NUP50: variants seen among roughly 807,000 people sequenced by gnomAD.
NUP50 encodes the protein nuclear pore complex protein Nup50.
NUP50 carries 14 observed loss-of-function variants against 36.8 expected under a neutral mutation model. The observed-to-expected ratio is 0.38, with a 90% CI of 0.25 to 0.59. The LOEUF is 0.59. Among genes scored for constraint, NUP50 ranks in the 20% least tolerant of loss-of-function variants. NUP50 has a pLI of 0.63. For missense variants in NUP50, 455 were observed against 564.6 expected (o/e 0.81, Z 1.97); for synonymous variants, 195 against 210.8 (o/e 0.93, Z 0.65).
intron 2 of NUP50, 81 bp downstream of exon 2, chr22:45,168,327 T>C (rs376271970): frequency 7.6e-6 from 8 of 1,054,584 alleles, no homozygotes; most frequent in Non-Finnish European, 1.1e-5. Flanking sequence ...TGAAGACTTG[T>C]GACAGAACTA....
chr22:45,176,451 G>C (rs148529879), intron 4 of NUP50, among the ~76,000 whole-genome samples: 5 of 152,140 alleles, frequency 3.3e-5, no homozygotes, highest in African/African-American at 4.8e-5. Context: ...TGTGTGCCTC[G>C]CACCAAACTG....
intron 6 of NUP50, among the ~76,000 whole-genome samples, chr22:45,183,063 G>A (rs1345695396): frequency 8.1e-6 from 1 of 123,820 alleles, no homozygotes; most frequent in Non-Finnish European, 1.7e-5. Context: ...GGCCAAAGGA[G>A]CAGAATGGCA....
At chr22:45,168,338 A>G in intron 2 of NUP50, 92 bp downstream of exon 2, 1 of 897,166 alleles carries the variant, frequency 1.1e-6, no homozygotes, top group Non-Finnish European at 1.8e-6. Context: ...GACAGAACTA[A>G]AAGACCTTTC....
intron 3 of NUP50, 54 bp from the exon 4 acceptor site, chr22:45,175,840 T>G: frequency 6.3e-7 from 1 of 1,578,716 alleles, no homozygotes; most frequent in Non-Finnish European, 8.7e-7. Context: ...CTCACTTGCT[T>G]TTTGGTAATA....
At chr22:45,168,893 A>C (rs955183309) in intron 2 of NUP50, among the ~76,000 whole-genome samples, 1 of 118,606 alleles carries the variant, frequency 8.4e-6, no homozygotes, top group Non-Finnish European at 1.6e-5. Flanking sequence ...GTCTCTATAA[A>C]AAAAATTTTT....
chr22:45,172,933 C>T lies in NUP50; in HGVS notation c.153+1250C>T, dbSNP rs563460216. On this transcript the variant is annotated intron_variant, in intron 3 of 7. Coordinates refer to ENST00000347635, the MANE Select transcript of NUP50 (RefSeq NM_007172.4). ...TATAGTGTAATTCGAGGCAGAGATA[C>T]GTAATCCTACATGAAATCGATTCTC... is the stretch of plus-strand genomic sequence containing the variant. Among the ~76,000 whole-genome samples the T allele has an allele frequency of 4.6e-5, 7 of 152,322 alleles. No homozygotes were observed. The East Asian group carries it at 5.8e-4, about 13-fold the overall frequency.
Position 45,187,955 on chromosome 22 carries a change from T to C in NUP50, c.*3300T>C, listed in dbSNP as rs2083467295. ...TCAGCTTGTATTAGTTTTTGAATGC[T>C]CCCATCGAGGAAGTGTAACAATCCA... is the stretch of plus-strand genomic sequence containing the variant. On this transcript the variant is annotated 3_prime_UTR_variant, in exon 8 of 8. Transcript: ENST00000347635. 1 of 152,808 alleles carries C rather than the reference T, an allele frequency of 6.5e-6. No homozygotes were observed. Among genetic ancestry groups the C allele is most frequent in the East Asian group, 1.9e-4 (1 of 5,196 alleles). 9.5% of individuals were successfully genotyped at this position (152,808 alleles called of 1,614,324 possible). A position where few individuals can be genotyped will look rare whatever the true frequency, so the allele number is the denominator to read the frequency against.
intron 2 of NUP50, 117 bp from the exon 3 acceptor site, chr22:45,171,483 A>G: frequency 9.7e-7 from 1 of 1,027,326 alleles, no homozygotes; most frequent in Non-Finnish European, 1.5e-6. Flanking sequence ...TGCCTGGCCA[A>G]AATTTATTTT....
intron 1 of NUP50, among the ~76,000 whole-genome samples, chr22:45,167,270 G>T (rs1193913344): frequency 1.3e-5 from 2 of 152,188 alleles, no homozygotes; most frequent in East Asian, 1.9e-4. Flanking sequence ...GAAATGGAAA[G>T]GTTTTTTGTC....
At chr22:45,164,644 G>C (rs1385534259) in intron 1 of NUP50, 1 of 152,758 alleles carries the variant, frequency 6.5e-6, no homozygotes, top group South Asian at 1.8e-4. Context: ...CGGGTGGAGG[G>C]TGGGGTGGGA....
intron 2 of NUP50, among the ~76,000 whole-genome samples, chr22:45,170,324 C>A (rs1187758484): frequency 6.9e-6 from 1 of 145,302 alleles, no homozygotes; most frequent in Non-Finnish European, 1.5e-5. Flanking sequence ...ATCTCTGTTT[C>A]CCCCTTCGAG....
At chr22:45,178,163 G>C in intron 4 of NUP50, 75 bp from the exon 5 acceptor site, 1 of 1,340,648 alleles carries the variant, frequency 7.5e-7, no homozygotes, top group East Asian at 2.3e-5. Context: ...AAGTATGAAG[G>C]CAGAGTGGCA....
At chr22:45,164,613 G>C (rs1318803529) in intron 1 of NUP50, 6 of 153,134 alleles carry the variant, frequency 3.9e-5, no homozygotes, top group Non-Finnish European at 8.8e-5. Flanking sequence ...GGGCCGGGCG[G>C]GGCGCGCGGT....
rs974645698 is a variant in NUP50, at chr22:45,184,958, A to G, written c.*303A>G. ...TTTCTTCAAGGACTGCAATCAGGGT[A>G]TCAATTTGCTTTCCCAAAGGCTCTT... On this transcript the variant is annotated 3_prime_UTR_variant, in exon 8 of 8. Transcript: ENST00000347635. 2 of 363,454 alleles carry G rather than the reference A, an allele frequency of 5.5e-6. No homozygotes were observed. The highest frequency in any genetic ancestry group is 1.0e-5 in the Non-Finnish European group (2 of 194,528). 22.5% of individuals were successfully genotyped at this position (363,454 alleles called of 1,614,324 possible).
Position 45,178,755 on chromosome 22 carries a change from C to T in NUP50, c.858C>T (p.Ser286=), listed in dbSNP as rs781076423. The change falls in exon 5 of 8, where the codon AGC becomes AGT. Residue 286 remains serine, a synonymous_variant. Transcript: ENST00000347635. ...ATAGCTCTGTTTTGGGCTCATTAAG[C>T]TCTGTCCCCCTGACTGGATTTTCTT... is the stretch of plus-strand genomic sequence containing the variant. ...KVDSSVLGSL[S]SVPLTGFSFS... 2.5e-6 allele frequency: 4 copies of T among 1,613,842 alleles called. No individual in the cohort carries two copies. In the East Asian group the frequency reaches 8.9e-5, roughly 36 times the overall value.
At chr22:45,169,084 TAG>T (rs2074142865) in intron 2 of NUP50, among the ~76,000 whole-genome samples, 1 of 152,046 alleles carries the variant, frequency 6.6e-6, no homozygotes, top group Non-Finnish European at 1.5e-5. Flanking sequence ...GTATTTTTAG[TAG>T]AGACAGGGAT....
rs143642631 is a variant in NUP50, at chr22:45,167,906, C to G, written c.-10-262C>G. On this transcript the variant is annotated intron_variant, in intron 1 of 7. Transcript: ENST00000347635. ...TCATTTTAATTTTTCCAAATGGAGT[C>G]GGTTTAGTGTTGTTCAGGACTGCTG... Among the ~76,000 whole-genome samples, 488 of 152,126 alleles carry G rather than the reference C, an allele frequency of 3.2e-3. 1 individual carries two copies. Among genetic ancestry groups the G allele is most frequent in the African/African-American group, 0.01 (418 of 41,494 alleles).
At position 45,185,119 on chromosome 22, in the gene NUP50, C is replaced by G. The variant is rs2074449417; in HGVS notation, c.*464C>G. The G allele has an allele frequency of 1.1e-5, 2 of 184,934 alleles. No individual in the cohort carries two copies. Among genetic ancestry groups the G allele is most frequent in the Non-Finnish European group, 2.3e-5 (2 of 87,168 alleles). The allele number at this position is 184,934 out of a possible 1,614,324, so 11.5% of individuals were successfully genotyped here. ...CCGACGTGTGAGACTTGTTCTGTTACCAAATGAACCGGGCTGCCACGCTGT... is the reference window on the plus strand; with the variant it reads ...CCGACGTGTGAGACTTGTTCTGTTAGCAAATGAACCGGGCTGCCACGCTGT... On this transcript the variant is annotated 3_prime_UTR_variant, in exon 8 of 8. Coordinates refer to ENST00000347635, the MANE Select transcript of NUP50 (RefSeq NM_007172.4).
intron 7 of NUP50, 92 bp from the exon 8 acceptor site, chr22:45,184,361 T>C: frequency 8.6e-7 from 1 of 1,162,608 alleles, no homozygotes; most frequent in Non-Finnish European, 1.3e-6. Context: ...TGTATTAAGT[T>C]ATTTCAGCAT....
Sources: allele counts gnomAD v4.1 joint callset (sites outside exome capture counted in the v4.1 genomes callset), GRCh38; gene constraint gnomAD v4.1.1; transcripts MANE v1.5; gene names NCBI Gene and HGNC (gene_info 2026-07-23, HGNC 2026-07-21).